Variants in FSD1 observed in about 807,000 individuals in gnomAD.
FSD1 encodes the protein fibronectin type III and SPRY domain-containing protein 1.
Under a neutral mutation model 58.2 loss-of-function variants are expected in FSD1, and 23 were observed. That is an observed-to-expected ratio of 0.40 (90% CI 0.28 to 0.56). FSD1 has a LOEUF of 0.56. Ranked by LOEUF, FSD1 falls within the 20% of genes least tolerant of loss-of-function variation. FSD1 has a pLI of 0.54. For missense variants in FSD1, 563 were observed against 670.8 expected, an observed-to-expected ratio of 0.84 and a Z score of 1.78; for synonymous variants, 265 against 263.4, an observed-to-expected ratio of 1.01 and a Z score of -0.06.
chr19:4,312,869 G>A (rs1182510458), intron 7 of FSD1, among the ~76,000 whole-genome samples: 1 of 151,604 alleles, frequency 6.6e-6, no homozygotes, highest in African/African-American at 2.4e-5. Flanking sequence ...TTCCAGACAT[G>A]GGATCCTGCC....
At position 4,323,182 on chromosome 19, in the gene FSD1, G is replaced by A; in HGVS notation, c.1236G>A (p.Lys412=). The change falls in exon 11 of 13, where the codon AAG becomes AAA. Residue 412 remains lysine, a synonymous_variant. Coordinates refer to ENST00000221856, the MANE Select transcript of FSD1 (RefSeq NM_024333.3). The surrounding 1 kb of genome is among the most constrained non-coding windows in gnomAD (Gnocchi z 7.7). ...CGGCCAAGCACGCCAACAAGGTCAA[G>A]GTGCTGGACGCCCCCGTGCCCGACT... ...SFTAKHANKV[K]VLDAPVPDCL... 1 of 1,604,840 alleles carries A rather than the reference G, an allele frequency of 6.2e-7. No homozygotes were observed.
chr19:4,310,859 T>G, intron 6 of FSD1: 3 of 385,674 alleles, frequency 7.8e-6, no homozygotes, highest in Non-Finnish European at 9.7e-6. Context: ...ACTGTGAGAA[T>G]ACCATGTCCT....
chr19:4,308,540 T>C (rs1462218021), intron 4 of FSD1, among the ~76,000 whole-genome samples: 1 of 150,790 alleles, frequency 6.6e-6, no homozygotes, highest in African/African-American at 2.5e-5. Flanking sequence ...ATGGGCAACA[T>C]AGTGAAACCC....
At chr19:4,318,608 G>T in intron 9 of FSD1, 103 bp downstream of exon 9, 1 of 1,092,378 alleles carries the variant, frequency 9.2e-7, no homozygotes, top group Admixed American at 2.6e-5. Flanking sequence ...AGGGGACCTG[G>T]GGCTGGTGGA....
At chr19:4,313,324 G>C (rs1814565154) in intron 7 of FSD1, among the ~76,000 whole-genome samples, 1 of 151,434 alleles carries the variant, frequency 6.6e-6, no homozygotes. Context: ...CTGAGCAACA[G>C]AGCGAGACCC....
At position 4,307,894 on chromosome 19, in the gene FSD1, G is replaced by A; in HGVS notation, c.256G>A (p.Ala86Thr). The change falls in exon 4 of 13, where the codon GCC becomes ACC. Residue 86 changes from alanine to threonine, a missense_variant. Ala to Thr is a moderately conservative substitution (Grantham distance 58). Transcript: ENST00000221856. ...CTGGTATCCACAGAACCAGCTGGCTGCCTGCACGCGGGCCCTGGAGAGCTC... is the reference window on the plus strand; with the variant it reads ...CTGGTATCCACAGAACCAGCTGGCTACCTGCACGCGGGCCCTGGAGAGCTC... ...RTYELQNQLA[A>T]CTRALESSEE... 3 of 1,613,280 alleles carry A rather than the reference G, an allele frequency of 1.9e-6. No homozygotes were observed. The highest frequency in any genetic ancestry group is 2.5e-6 in the Non-Finnish European group (3 of 1,179,690).
rs780303964 is a variant in FSD1 at position 4,323,533 on chromosome 19, G to C, written c.1381G>C (p.Val461Leu). 1.2e-6 allele frequency: 2 copies of C among 1,607,818 alleles called. No homozygotes were observed. The highest frequency in any genetic ancestry group is 1.7e-6 in the Non-Finnish European group (2 of 1,175,404). Residue 461 changes from valine to leucine, a missense_variant and splice_region_variant, in exon 13 of 13, where the codon GTA (valine) becomes CTA (leucine). By Grantham distance (32) the Val-to-Leu change is conservative (BLOSUM62 1). Transcript: ENST00000221856. This position sits in a 1 kb window ranked among gnomAD's most constrained non-coding sequence, Gnocchi z 7.7. ...FTQPLLPAFT[V>L]WCGSFQVTTG... is the part of the protein sequence containing the mutation. The stretch of plus-strand genomic sequence containing the variant: ...CCCCCCTCCCCCCGCTGTCCCTCAG[G>C]TATGGTGTGGCAGCTTCCAGGTGAC...
chr19:4,316,734 G>A (rs1371289003), intron 7 of FSD1, among the ~76,000 whole-genome samples: 1 of 151,702 alleles, frequency 6.6e-6, no homozygotes, highest in Non-Finnish European at 1.5e-5. Context: ...TCAGGGGTAA[G>A]ATGTTTGTTT....
intron 10 of FSD1, among the ~76,000 whole-genome samples, chr19:4,322,572 G>GA (rs1971708983): frequency 6.6e-6 from 1 of 151,108 alleles, no homozygotes; most frequent in Admixed American, 6.6e-5. Flanking sequence ...GAATAGCTGG[G>GA]GCCCAAGGAG....
intron 7 of FSD1, among the ~76,000 whole-genome samples, chr19:4,314,905 T>C (rs1971736789): frequency 6.6e-6 from 1 of 152,232 alleles, no homozygotes; most frequent in African/African-American, 2.4e-5. Context: ...ACTACGAGGC[T>C]TCCAGGTGCT....
chr19:4,310,149 C>T, intron 4 of FSD1, 124 bp from the exon 5 acceptor site: 1 of 1,061,782 alleles, frequency 9.4e-7, no homozygotes, highest in Non-Finnish European at 1.5e-6. Flanking sequence ...TGCTTGAACC[C>T]AGGAGGTGGA....
Position 4,323,786 on chromosome 19 carries a change from C to G in FSD1, c.*143C>G. ...GGGGTCACCAAGAGGGAGTGGGCAC[C>G]CTGGCGGGCCCTCTCCCCACCTCAC... On this transcript the variant is annotated 3_prime_UTR_variant, in exon 13 of 13. Transcript: ENST00000221856. This position sits in a 1 kb window ranked among gnomAD's most constrained non-coding sequence, Gnocchi z 7.7. 3.1e-6 allele frequency: 2 copies of G among 637,924 alleles called. No individual in the cohort carries two copies. The highest frequency in any genetic ancestry group is 2.7e-5 in the East Asian group (1 of 36,554). The allele number at this position is 637,924 out of a possible 1,614,324, so 39.5% of individuals were successfully genotyped here. A position where few individuals can be genotyped will look rare whatever the true frequency, so the allele number is the denominator to read the frequency against.
chr19:4,320,031 C>T (rs2144769265), intron 10 of FSD1, among the ~76,000 whole-genome samples: 1 of 152,118 alleles, frequency 6.6e-6, no homozygotes, highest in African/African-American at 2.4e-5. Context: ...GTGTACAGAG[C>T]TGAAGCCAAG....
intron 3 of FSD1, 133 bp downstream of exon 3, chr19:4,306,462 T>C: frequency 1.3e-6 from 1 of 777,784 alleles, no homozygotes; most frequent in Non-Finnish European, 2.0e-6. Context: ...CATCCACCTG[T>C]ACACTCTCTC....
chr19:4,320,955 G>A (rs182718575), intron 10 of FSD1, among the ~76,000 whole-genome samples: 13 of 147,058 alleles, frequency 8.8e-5, no homozygotes, highest in Admixed American at 1.4e-4. Flanking sequence ...GAGGGGAATC[G>A]CTGGGACTGA....
At chr19:4,318,577 G>A (rs1345021188) in intron 9 of FSD1, 72 bp downstream of exon 9, 1 of 1,384,394 alleles carries the variant, frequency 7.2e-7, no homozygotes, top group African/African-American at 1.4e-5. Flanking sequence ...AGAGCCCAGT[G>A]TGGTCAGAGT....
At chr19:4,310,390 A>G (rs1971674894) in intron 5 of FSD1, 85 bp from the exon 6 acceptor site, 2 of 1,606,622 alleles carry the variant, frequency 1.2e-6, no homozygotes, top group East Asian at 4.5e-5. Flanking sequence ...AGAGCCCTGG[A>G]CGGGAGCCCT....
Position 4,317,300 on chromosome 19 carries a change from G to T in FSD1, c.799+20G>T, listed in dbSNP as rs1230235326. The stretch of plus-strand genomic sequence containing the variant: ...CACCAGGTGACTGGATTCCACCCTT[G>T]TCCTACCCCTAACTCCATGGCCCCT... On this transcript the variant is annotated intron_variant, in intron 8 of 12. Coordinates refer to ENST00000221856, the MANE Select transcript of FSD1 (RefSeq NM_024333.3). 3.6e-6 allele frequency: 5 copies of T among 1,400,406 alleles called. No individual in the cohort carries two copies. The African/African-American group carries it at 5.6e-5, about 16-fold the overall frequency. The allele number at this position is 1,400,406 out of a possible 1,614,324, so 86.7% of individuals were successfully genotyped here.
chr19:4,316,577 C>T (rs374909327), intron 7 of FSD1, among the ~76,000 whole-genome samples: 2 of 150,652 alleles, frequency 1.3e-5, no homozygotes, highest in African/African-American at 4.9e-5. Context: ...ATAAATGTGT[C>T]GCCCAGGCTG....
Sources: allele counts gnomAD v4.1 joint callset (sites outside exome capture counted in the v4.1 genomes callset), GRCh38; gene constraint gnomAD v4.1.1; non-coding constraint Gnocchi (gnomAD v3.1); transcripts MANE v1.5; gene names NCBI Gene and HGNC (gene_info 2026-07-23, HGNC 2026-07-21).